LAMP5: variants seen among roughly 807,000 people sequenced by gnomAD.
The protein encoded by LAMP5 is lysosome associated membrane protein 5.
LAMP5 carries 36 observed loss-of-function variants against 30.2 expected under a neutral mutation model. That is an observed-to-expected ratio of 1.19 (90% CI 0.91 to 1.57). The LOEUF is 1.57. LAMP5 is among the 40% of genes most tolerant of loss of function. The pLI is 0.00. For synonymous variants in LAMP5, 149 were observed against 134.6 expected, an observed-to-expected ratio of 1.11 and a Z score of -0.74; for missense variants, 377 against 354.9, an observed-to-expected ratio of 1.06 and a Z score of -0.50.
chr20:9,514,605 C>T lies in LAMP5; in HGVS notation c.-248C>T, dbSNP rs1244219546. On this transcript the variant is annotated 5_prime_UTR_variant, in exon 1 of 6. Transcript: ENST00000246070. ...CCACACAATCGGATTGCTTTCAGCA[C>T]TCGCAGCCGTGGACCGCCGTGCGGT... 1.8e-6 allele frequency: 1 copy of T among 542,812 alleles called. No individual in the cohort carries two copies. Among genetic ancestry groups the T allele is most frequent in the East Asian group, 3.1e-5 (1 of 32,674 alleles). The allele number at this position is 542,812 out of a possible 1,614,324, so 33.6% of individuals were successfully genotyped here. A position where few individuals can be genotyped will look rare whatever the true frequency, so the allele number is the denominator to read the frequency against.
At position 9,514,681 on chromosome 20, in the gene LAMP5, C is replaced by CG. The variant is rs1363792220; in HGVS notation, c.-171dup. 1.7e-6 allele frequency: 1 copy of CG among 600,952 alleles called. No homozygotes were observed. Among genetic ancestry groups the CG allele is most frequent in the African/African-American group, 1.9e-5 (1 of 53,780 alleles). 37.2% of individuals were successfully genotyped at this position (600,952 alleles called of 1,614,324 possible). A position where few individuals can be genotyped will look rare whatever the true frequency, so the allele number is the denominator to read the frequency against. Reference sequence around the variant, plus strand: ...GCTCTGCCAGCAGCTGTCGGTGCCGCGCTCGACACCGAGTCCTAGCTAGGC... The same window carrying CG: ...GCTCTGCCAGCAGCTGTCGGTGCCGCGGCTCGACACCGAGTCCTAGCTAGGC... On this transcript the variant is annotated 5_prime_UTR_variant, in exon 1 of 6. Coordinates refer to ENST00000246070, the MANE Select transcript of LAMP5 (RefSeq NM_012261.4).
At position 9,514,845 on chromosome 20, in the gene LAMP5, C is replaced by T. The variant is rs1399514357; in HGVS notation, c.-8C>T. On this transcript the variant is annotated 5_prime_UTR_variant, in exon 1 of 6. Coordinates refer to ENST00000246070, the MANE Select transcript of LAMP5 (RefSeq NM_012261.4). Reference sequence around the variant, plus strand: ...AGCACAGCCGGCCTCATTCGGGGCACTGCGAGTATGGATCTCCAAGGAAGA... The same window carrying T: ...AGCACAGCCGGCCTCATTCGGGGCATTGCGAGTATGGATCTCCAAGGAAGA... 5 of 1,614,044 alleles carry T rather than the reference C, an allele frequency of 3.1e-6. No individual in the cohort carries two copies. In the Admixed American group the frequency reaches 6.7e-5, roughly 22 times the overall value.
chr20:9,524,595 TAA>T (rs748114210), intron 5 of LAMP5, among the ~76,000 whole-genome samples: 5,970 of 82,228 alleles, frequency 0.073, 359 homozygotes, highest in African/African-American at 0.23. Flanking sequence ...CAGATCGAAC[TAA>T]AAAAAAAAAA....
At chr20:9,529,051 A>G (rs1186771785) in intron 5 of LAMP5, among the ~76,000 whole-genome samples, 1 of 152,202 alleles carries the variant, frequency 6.6e-6, no homozygotes, top group African/African-American at 2.4e-5. Context: ...TAAAGCTGCT[A>G]TGAACATTTA....
rs553727598 is a variant in LAMP5, at chr20:9,514,755, C to T, written c.-98C>T. ...CCTCCCCCTTCTCTGTCCCCCGCCTCTCGCTCACCCCGGCCCACTCCAGCG... is the reference window on the plus strand; with the variant it reads ...CCTCCCCCTTCTCTGTCCCCCGCCTTTCGCTCACCCCGGCCCACTCCAGCG... On this transcript the variant is annotated 5_prime_UTR_variant, in exon 1 of 6. Transcript: ENST00000246070. 1 of 1,086,170 alleles carries T rather than the reference C, an allele frequency of 9.2e-7. No homozygotes were observed. Among genetic ancestry groups the T allele is most frequent in the Non-Finnish European group, 1.4e-6 (1 of 720,186 alleles). The allele number at this position is 1,086,170 out of a possible 1,614,324, so 67.3% of individuals were successfully genotyped here.
intron 1 of LAMP5, 38 bp downstream of exon 1, chr20:9,514,954 A>C (rs778782892): frequency 1.3e-6 from 2 of 1,582,312 alleles, no homozygotes; most frequent in Non-Finnish European, 1.7e-6. Context: ...GAGGACGGGC[A>C]CTCTTTGCAG....
rs372528707 is a variant in LAMP5, at chr20:9,523,309, C to T, written c.664+5081C>T. ...CACAGCCAGCAGAAAGCTTGCCCAC[C>T]TCTTCAAACAGTTTCAGTCCATGGT... is the stretch of plus-strand genomic sequence containing the variant. On this transcript the variant is annotated intron_variant, in intron 5 of 5. Transcript: ENST00000246070. Among the ~76,000 whole-genome samples, 17 of 152,156 alleles carry T rather than the reference C, an allele frequency of 1.1e-4. No individual in the cohort carries two copies. The East Asian group carries it at 2.3e-3, about 21-fold the overall frequency.
chr20:9,529,846 T>C lies in LAMP5; in HGVS notation c.*26T>C, dbSNP rs764333761. 1 of 1,610,064 alleles carries C rather than the reference T, an allele frequency of 6.2e-7. No homozygotes were observed. Among genetic ancestry groups the C allele is most frequent in the South Asian group, 1.1e-5 (1 of 90,892 alleles). ...AGGCCGTTAGGCAGGCACCCCCTAT[T>C]CCTGCTCCCCCAACTGGATCAGGTA... On this transcript the variant is annotated 3_prime_UTR_variant, in exon 6 of 6. Transcript: ENST00000246070.
intron 5 of LAMP5, among the ~76,000 whole-genome samples, chr20:9,525,802 G>A (rs1358875598): frequency 6.6e-6 from 1 of 152,150 alleles, no homozygotes; most frequent in Non-Finnish European, 1.5e-5. Context: ...AATACTTGTA[G>A]TTGGGGCCAC....
chr20:9,518,087 C>T lies in LAMP5; in HGVS notation c.523C>T (p.Pro175Ser). The T allele has an allele frequency of 1.2e-6, 2 of 1,614,158 alleles. No individual in the cohort carries two copies. The highest frequency in any genetic ancestry group is 1.7e-6 in the Non-Finnish European group (2 of 1,180,036). Residue 175 changes from proline to serine, a missense_variant, in exon 5 of 6, where the codon CCC becomes TCC. By Grantham distance (74) the Pro-to-Ser change is moderately conservative. Transcript: ENST00000246070. Reference sequence around the variant, plus strand: ...GCACCACCTCTCTGCCTTGGTCACCCCCGCTGGGAAGTCCTATGAGTGTCA... The same window carrying T: ...GCACCACCTCTCTGCCTTGGTCACCTCCGCTGGGAAGTCCTATGAGTGTCA... ...NSHHLSALVT[P>S]AGKSYECQAQ...
chr20:9,515,944 A>T lies in LAMP5; in HGVS notation c.238-56A>T. 5 of 1,438,272 alleles carry T rather than the reference A, an allele frequency of 3.5e-6. No individual in the cohort carries two copies. The South Asian group carries it at 8.0e-5, about 23-fold the overall frequency. 89.1% of individuals were successfully genotyped at this position (1,438,272 alleles called of 1,614,324 possible). A position where few individuals can be genotyped will look rare whatever the true frequency, so the allele number is the denominator to read the frequency against. On this transcript the variant is annotated intron_variant, in intron 2 of 5. Coordinates refer to ENST00000246070, the MANE Select transcript of LAMP5 (RefSeq NM_012261.4). ...AGAGTTTGGACGCGCCGCCCTTTAC[A>T]GCCCCCGCCCCGGGGCCGGGCGAGC...
chr20:9,515,620 G>T lies in LAMP5; in HGVS notation c.232G>T (p.Val78Leu), dbSNP rs752672884. 2.5e-6 allele frequency: 4 copies of T among 1,611,686 alleles called. No homozygotes were observed. Among genetic ancestry groups the T allele is most frequent in the Non-Finnish European group, 3.4e-6 (4 of 1,179,484 alleles). ...VPYDVWASNY[V>L]DLITEQADIA... ...TTATGATGTGTGGGCCAGCAACTAC[G>T]TAGATGTAAGGAATCTTTCCCCCCC... The change falls in exon 2 of 6, where the codon GTA becomes TTA. Residue 78 changes from valine to leucine, a missense_variant. By Grantham distance (32) the Val-to-Leu change is conservative. Transcript: ENST00000246070.
Position 9,516,045 on chromosome 20 carries a change from G to T in LAMP5, c.283G>T (p.Val95Leu). ...TATCGCATTGACCCGGGGAGCTGAGGTGAAGGGCCGCTGTGGCCACAGCCA... is the reference window on the plus strand; with the variant it reads ...TATCGCATTGACCCGGGGAGCTGAGTTGAAGGGCCGCTGTGGCCACAGCCA... ...ADIALTRGAE[V>L]KGRCGHSQSE... is the part of the protein sequence containing the mutation. Residue 95 changes from valine to leucine, a missense_variant, in exon 3 of 6, where the codon GTG becomes TTG. Val to Leu is a conservative substitution (Grantham distance 32). Transcript: ENST00000246070. The T allele has an allele frequency of 2.6e-6, 4 of 1,540,204 alleles. No individual in the cohort carries two copies. Among genetic ancestry groups the T allele is most frequent in the Non-Finnish European group, 3.5e-6 (4 of 1,150,170 alleles).
Position 9,516,102 on chromosome 20 carries a change from G to A in LAMP5, c.340G>A (p.Ala114Thr). ...SELQVFWVDRAYALKMLFVKE... is the reference protein window; with the variant it reads ...SELQVFWVDRTYALKMLFVKE... Reference sequence around the variant, plus strand: ...GCTGCAAGTGTTCTGGGTGGATCGCGCATATGCACTCAAAATGCTCTTTGT... The same window carrying A: ...GCTGCAAGTGTTCTGGGTGGATCGCACATATGCACTCAAAATGCTCTTTGT... The change falls in exon 3 of 6, where the codon GCA becomes ACA. Residue 114 changes from alanine to threonine, a missense_variant. By Grantham distance (58) the Ala-to-Thr change is moderately conservative. Coordinates refer to ENST00000246070, the MANE Select transcript of LAMP5 (RefSeq NM_012261.4). 1.3e-6 allele frequency: 2 copies of A among 1,551,142 alleles called. No individual in the cohort carries two copies. The highest frequency in any genetic ancestry group is 1.7e-6 in the Non-Finnish European group (2 of 1,153,474).
At position 9,529,520 on chromosome 20, in the gene LAMP5, A is replaced by T. The variant is rs2045135786; in HGVS notation, c.665-122A>T. On this transcript the variant is annotated intron_variant, in intron 5 of 5. Transcript: ENST00000246070. Reference sequence around the variant, plus strand: ...GGTTGGTTAGGGAAAACTATTTCTGAAAAATAGTCCCAAAGCTTCCTTGAG... The same window carrying T: ...GGTTGGTTAGGGAAAACTATTTCTGTAAAATAGTCCCAAAGCTTCCTTGAG... 7.8e-6 allele frequency: 8 copies of T among 1,025,962 alleles called. No individual in the cohort carries two copies. In the South Asian group the frequency reaches 1.4e-4, roughly 18 times the overall value. The allele number at this position is 1,025,962 out of a possible 1,614,324, so 63.6% of individuals were successfully genotyped here. A position where few individuals can be genotyped will look rare whatever the true frequency, so the allele number is the denominator to read the frequency against.
At position 9,517,621 on chromosome 20, in the gene LAMP5, A is replaced by ATGTGTGTGTGTGTGTGTGTGTG. The variant is rs3037127; in HGVS notation, c.476-404_476-403insGTGTGTGTGTGTGTGTGTGTGT. Among the ~76,000 whole-genome samples, 157 of 149,206 alleles carry ATGTGTGTGTGTGTGTGTGTGTG rather than the reference A, an allele frequency of 1.1e-3. 2 individuals are homozygous for ATGTGTGTGTGTGTGTGTGTGTG. The highest frequency in any genetic ancestry group is 8.5e-3 in the East Asian group (43 of 5,044). On this transcript the variant is annotated intron_variant, in intron 4 of 5. Transcript: ENST00000246070. ...CATGCCAGACTAATTTTGTAAATGT[A>ATGTGTGTGTGTGTGTGTGTGTG]TGTGTGTGTGTGTGTATTTGTAGAG... is the stretch of plus-strand genomic sequence containing the variant.
intron 5 of LAMP5, among the ~76,000 whole-genome samples, chr20:9,527,299 C>A (rs1360837744): frequency 6.6e-6 from 1 of 152,046 alleles, no homozygotes; most frequent in Non-Finnish European, 1.5e-5. Context: ...GACTTGATTA[C>A]CTTATGTGTA....
chr20:9,518,889 T>C (rs1403915769), intron 5 of LAMP5, among the ~76,000 whole-genome samples: 2 of 128,866 alleles, frequency 1.6e-5, no homozygotes, highest in Non-Finnish European at 3.3e-5. Context: ...GAGGATATCC[T>C]TAAGCTCCAG....
chr20:9,519,937 T>C (rs6039485), intron 5 of LAMP5, among the ~76,000 whole-genome samples: 62,879 of 152,048 alleles, frequency 0.41, 15,030 homozygotes, highest in African/African-American at 0.66. Flanking sequence ...TCAAACCTCA[T>C]AGATTTTTAG....
Sources: allele counts gnomAD v4.1 joint callset (sites outside exome capture counted in the v4.1 genomes callset), GRCh38; gene constraint gnomAD v4.1.1; transcripts MANE v1.5; gene names NCBI Gene and HGNC (gene_info 2026-07-23, HGNC 2026-07-21).